The following BCORL1 variants were observed in gnomAD, a reference collection of about 807,000 sequenced individuals.
BCORL1 encodes BCL6 corepressor like 1.
A neutral mutation model predicts 87.6 loss-of-function variants in BCORL1; 7 were observed. That is an observed-to-expected ratio of 0.08 (90% CI 0.05 to 0.15). The LOEUF is 0.15. Ranked by LOEUF, BCORL1 falls within the 10% of genes least tolerant of loss-of-function variation. The pLI is 1.00. For synonymous variants in BCORL1, 591 were observed against 634.4 expected (o/e 0.93, Z 1.03); for missense variants, 1,215 against 1,499.7 (o/e 0.81, Z 3.13).
chrX:130,050,149 GGGCCAGGCAGGGT>G (rs2124577175), intron 11 of BCORL1, among the ~76,000 whole-genome samples: 1 of 111,160 alleles, frequency 9.0e-6, no homozygotes, highest in Admixed American at 9.6e-5. Flanking sequence ...GTCGGAAGTG[GGGCCAGGCAGGGT>G]GGCTTATGCC....
chrX:130,031,613 G>A (rs776648435), intron 8 of BCORL1, among the ~76,000 whole-genome samples: 4 of 111,748 alleles, frequency 3.6e-5, no homozygotes, highest in Admixed American at 1.9e-4. Flanking sequence ...GTGAAACCCC[G>A]TCTGTACTAA....
At chrX:129,995,200 T>G (rs1233909783) in intron 1 of BCORL1, among the ~76,000 whole-genome samples, 7 of 109,766 alleles carry the variant, frequency 6.4e-5, no homozygotes, top group East Asian at 2.9e-4. Flanking sequence ...GAGATGGGGT[T>G]TCACCATGTG....
intron 1 of BCORL1, among the ~76,000 whole-genome samples, chrX:130,000,067 A>G (rs1484313148): frequency 9.1e-6 from 1 of 110,033 alleles, no homozygotes; most frequent in Non-Finnish European, 1.9e-5. Flanking sequence ...TTTTTGTTTT[A>G]GACAGGATTT....
At chrX:130,032,292 C>T (rs979512413) in intron 8 of BCORL1, among the ~76,000 whole-genome samples, 1 of 111,254 alleles carries the variant, frequency 9.0e-6, no homozygotes, top group African/African-American at 3.3e-5. Flanking sequence ...GGATCTGCTT[C>T]TGGGGTAGCT....
At chrX:130,019,829 C>T (rs1179291972) in intron 4 of BCORL1, among the ~76,000 whole-genome samples, 1 of 112,220 alleles carries the variant, frequency 8.9e-6, no homozygotes, top group Non-Finnish European at 1.9e-5. Flanking sequence ...ATTGTTCCAA[C>T]GTTTTGCTTA....
chrX:130,045,323 A>G (rs746246162), intron 11 of BCORL1, among the ~76,000 whole-genome samples: 12 of 112,505 alleles, frequency 1.1e-4, no homozygotes, highest in Non-Finnish European at 2.3e-4. Context: ...AAGTATCAGG[A>G]CACTCTGCCT....
intron 1 of BCORL1, among the ~76,000 whole-genome samples, chrX:129,989,754 A>T (rs767559856): frequency 9.5e-6 from 1 of 105,006 alleles, no homozygotes; most frequent in South Asian, 4.3e-4. Flanking sequence ...GGCATGAGCC[A>T]CCGTGCCAGG....
At chrX:130,031,457 A>G (rs1275488217) in intron 8 of BCORL1, among the ~76,000 whole-genome samples, 2 of 112,247 alleles carry the variant, frequency 1.8e-5, no homozygotes, top group Admixed American at 9.5e-5. Flanking sequence ...GGCTCTGCAC[A>G]CAGCTGGCTT....
At chrX:130,033,331 C>T (rs1265636194) in intron 8 of BCORL1, among the ~76,000 whole-genome samples, 1 of 111,534 alleles carries the variant, frequency 9.0e-6, no homozygotes, top group African/African-American at 3.3e-5. Flanking sequence ...GATCTGCCTG[C>T]CTTAGCCTCC....
At position 130,034,442 on chromosome X, in the gene BCORL1, C is replaced by T; in HGVS notation, c.4306-13C>T. 1.0e-6 allele frequency: 1 copy of T among 979,369 alleles called. No homozygotes were observed. Among genetic ancestry groups the T allele is most frequent in the Non-Finnish European group, 1.3e-6 (1 of 752,780 alleles). 80.7% of individuals were successfully genotyped at this position (979,369 alleles called of 1,213,427 possible). On this transcript the variant is annotated splice_polypyrimidine_tract_variant and intron_variant, in intron 8 of 13. Transcript: ENST00000540052. ...GGCCTGACCTGACCTAGGACTGCAT[C>T]TCTGCTTTCCAGGGCAAAGGTCGTT...
intron 5 of BCORL1, among the ~76,000 whole-genome samples, chrX:130,021,501 C>T (rs1929813999): frequency 8.9e-6 from 1 of 112,208 alleles, no homozygotes; most frequent in Non-Finnish European, 1.9e-5. Flanking sequence ...GGGTTCATTA[C>T]GCTGTCTTCT....
chrX:130,037,502 A>T lies in BCORL1; in HGVS notation c.4663A>T (p.Asn1555Tyr). 8.3e-7 allele frequency: 1 copy of T among 1,211,423 alleles called. No individual in the cohort carries two copies. The highest frequency in any genetic ancestry group is 1.8e-5 in the South Asian group (1 of 56,936). Residue 1555 changes from asparagine to tyrosine, a missense_variant, in exon 10 of 14, where the codon AAC becomes TAC. Asn to Tyr is a moderately radical substitution (Grantham distance 143, BLOSUM62 -2). Coordinates refer to ENST00000540052, the MANE Select transcript of BCORL1 (RefSeq NM_001379451.1). ...GAACATCCTGCTGGAGCACGGGGCC[A>T]ACGTGAACTGCAGTGCGCAGGACGG... Reference protein sequence around the residue: ...ILNILLEHGANVNCSAQDGTR... With the variant: ...ILNILLEHGAYVNCSAQDGTR...
intron 11 of BCORL1, among the ~76,000 whole-genome samples, chrX:130,047,763 T>C (rs747125793): frequency 9.0e-6 from 1 of 111,566 alleles, no homozygotes; most frequent in East Asian, 2.8e-4. Flanking sequence ...TTCCTCTCCA[T>C]ATATTTATTA....
chrX:130,052,182 T>C (rs1932115894), intron 13 of BCORL1, among the ~76,000 whole-genome samples, 166 bp downstream of exon 13: 2 of 112,467 alleles, frequency 1.8e-5, no homozygotes, highest in Non-Finnish European at 3.8e-5. Context: ...AACTAGAGGC[T>C]GCAGGCTCCA....
At chrX:129,990,368 A>T (rs992672958) in intron 1 of BCORL1, among the ~76,000 whole-genome samples, 2 of 109,965 alleles carry the variant, frequency 1.8e-5, no homozygotes, top group African/African-American at 6.6e-5. Flanking sequence ...AGTAGCTGGG[A>T]CTACAGGCGC....
chrX:130,024,436 C>T (rs1053127357), intron 6 of BCORL1, among the ~76,000 whole-genome samples: 1 of 111,277 alleles, frequency 9.0e-6, no homozygotes, highest in Non-Finnish European at 1.9e-5. Context: ...CTTCTTGCTT[C>T]GCTTTTCTTG....
chrX:130,023,071 C>A, intron 6 of BCORL1, 94 bp downstream of exon 6: 1 of 782,298 alleles, frequency 1.3e-6, no homozygotes, highest in Non-Finnish European at 1.9e-6. Flanking sequence ...GCCCAGGTGT[C>A]GAGTTGGGAA....
intron 1 of BCORL1, among the ~76,000 whole-genome samples, chrX:130,002,488 G>C (rs1276973081): frequency 1.0e-5 from 1 of 100,329 alleles, no homozygotes; most frequent in Non-Finnish European, 2.0e-5. Context: ...GAGACAGAGG[G>C]AGACCGGGGA....
At chrX:129,989,910 C>T (rs1323270420) in intron 1 of BCORL1, among the ~76,000 whole-genome samples, 2 of 109,198 alleles carry the variant, frequency 1.8e-5, no homozygotes, top group African/African-American at 3.3e-5. Context: ...CTCAGCCTCT[C>T]GAGTAGCTGG....
Sources: allele counts gnomAD v4.1 joint callset (sites outside exome capture counted in the v4.1 genomes callset), GRCh38; gene constraint gnomAD v4.1.1; transcripts MANE v1.5; gene names NCBI Gene and HGNC (gene_info 2026-07-23, HGNC 2026-07-21).